Variants in CLTCL1 observed in about 807,000 individuals in gnomAD.
The protein encoded by CLTCL1 is clathrin heavy chain like 1.
CLTCL1 carries 159 observed loss-of-function variants against 190.0 expected under a neutral mutation model. The observed-to-expected ratio is 0.84, with a 90% CI of 0.74 to 0.95. CLTCL1 has a LOEUF of 0.95. CLTCL1 is among the 40% of genes least tolerant of loss of function. CLTCL1 has a pLI of 0.00. For synonymous variants in CLTCL1, 752 were observed against 769.6 expected, an observed-to-expected ratio of 0.98 and a Z score of 0.38; for missense variants, 1,878 against 2,033.4, an observed-to-expected ratio of 0.92 and a Z score of 1.47.
chr22:19,220,500 G>A (rs1259945350), intron 17 of CLTCL1, among the ~76,000 whole-genome samples: 2 of 152,240 alleles, frequency 1.3e-5, no homozygotes, highest in Non-Finnish European at 1.5e-5. Flanking sequence ...TCTAAAAACT[G>A]TAAACTGTGC....
rs535137726 is a variant in CLTCL1 at position 19,205,136 on chromosome 22, A to G, written c.3600+3018T>C. On this transcript the variant is annotated intron_variant, in intron 22 of 32. Coordinates refer to ENST00000427926, the MANE Select transcript of CLTCL1 (RefSeq NM_007098.4). ...AACACAGGCAAGTAAAAGAAAAGCA[A>G]TATGATATTGCCAATTCCAAATCCC... Among the ~76,000 whole-genome samples, 7 of 152,344 alleles carry G rather than the reference A, an allele frequency of 4.6e-5. No individual in the cohort carries two copies. The East Asian group carries it at 9.6e-4, about 21-fold the overall frequency.
chr22:19,248,176 G>A (rs1255251502), intron 3 of CLTCL1, among the ~76,000 whole-genome samples: 4 of 151,902 alleles, frequency 2.6e-5, no homozygotes, highest in Non-Finnish European at 5.9e-5. Context: ...CATGCCTGTA[G>A]TCCCAGTTAT....
chr22:19,274,525 T>A (rs923512767), intron 2 of CLTCL1, among the ~76,000 whole-genome samples: 4 of 152,090 alleles, frequency 2.6e-5, no homozygotes, highest in Non-Finnish European at 5.9e-5. Context: ...AAAGGTAGGG[T>A]TGGTAATAGA....
Position 19,254,108 on chromosome 22 carries a change from C to T in CLTCL1, c.370G>A (p.Glu124Lys), listed in dbSNP as rs140033543. The stretch of plus-strand genomic sequence containing the variant: ...ATGCTCCAGTGGTAGACCGCGGTCT[C>T]GGTCACCAAGGCAACAGTGTTCACA... The part of the protein sequence containing the change: ...VSVNTVALVT[E>K]TAVYHWSMEG... The change falls in exon 3 of 33, where the codon GAG becomes AAG. Residue 124 changes from glutamate to lysine, a missense_variant. Glu to Lys is a moderately conservative substitution (Grantham distance 56). Transcript: ENST00000427926. 2.0e-4 allele frequency: 327 copies of T among 1,613,180 alleles called. 1 individual carries two copies. The highest frequency in any genetic ancestry group is 1.6e-4 in the Non-Finnish European group (185 of 1,179,486).
intron 24 of CLTCL1, among the ~76,000 whole-genome samples, chr22:19,197,112 C>G (rs150028489): frequency 6.6e-6 from 1 of 152,106 alleles, no homozygotes; most frequent in Non-Finnish European, 1.5e-5. Flanking sequence ...CAGCCCCACA[C>G]GCCTCTGACA....
At chr22:19,216,856 C>T (rs549002267) in intron 18 of CLTCL1, among the ~76,000 whole-genome samples, 14 of 152,222 alleles carry the variant, frequency 9.2e-5, no homozygotes, top group Non-Finnish European at 1.3e-4. Flanking sequence ...CAGTTTGGAA[C>T]GCCAGCACTG....
rs574479561 is a variant in CLTCL1, at chr22:19,202,939, C to T, written c.3601-1446G>A. Reference sequence around the variant, plus strand: ...GCTCCATGTCAGGGTTTCAGCAAATCCCTGCATCAGCATCCATCACCTTCT... The same window carrying T: ...GCTCCATGTCAGGGTTTCAGCAAATTCCTGCATCAGCATCCATCACCTTCT... On this transcript the variant is annotated intron_variant, in intron 22 of 32. Transcript: ENST00000427926. 3.3e-5 allele frequency among the ~76,000 whole-genome samples: 5 copies of T among 152,320 alleles called. No individual in the cohort carries two copies. In the South Asian group the frequency reaches 1.0e-3, roughly 32 times the overall value.
Position 19,260,414 on chromosome 22 carries a change from T to C in CLTCL1, c.251-6187A>G, listed in dbSNP as rs1601677827. On this transcript the variant is annotated intron_variant, in intron 2 of 32. Transcript: ENST00000427926. ...GGTTAACTCTCTTGTTAGGGGATAA[T>C]GCAGCTGGTAACTTTAAATGGAAGG... Among the ~76,000 whole-genome samples, 3 of 148,542 alleles carry C rather than the reference T, an allele frequency of 2.0e-5. No individual in the cohort carries two copies. In the East Asian group the frequency reaches 5.8e-4, roughly 29 times the overall value.
intron 22 of CLTCL1, 166 bp downstream of exon 22, chr22:19,207,988 T>C: frequency 2.7e-6 from 2 of 727,750 alleles, no homozygotes; most frequent in South Asian, 1.5e-5. Context: ...ACAATAAATG[T>C]AATGCACTTG....
intron 2 of CLTCL1, among the ~76,000 whole-genome samples, chr22:19,272,241 G>T (rs1376542510): frequency 5.3e-5 from 8 of 152,174 alleles, no homozygotes; most frequent in African/African-American, 1.9e-4. Flanking sequence ...TGCTCTTTAA[G>T]TCAAAGGCAA....
Position 19,221,520 on chromosome 22 carries a change from C to T in CLTCL1, c.2653G>A (p.Asp885Asn), listed in dbSNP as rs782377086. Residue 885 changes from aspartate to asparagine, a missense_variant, in exon 17 of 33, where the codon GAC becomes AAC. Physicochemically the swap from Asp to Asn is conservative, Grantham distance 23 (BLOSUM62 1). Coordinates refer to ENST00000427926, the MANE Select transcript of CLTCL1 (RefSeq NM_007098.4). ...AAGCACTCGGGGCTGTTGTTGCTGT[C>T]GATGTAGATTTTAGCCAGTGCATTG... ...THNALAKIYI[D>N]SNNSPECFLR... The T allele has an allele frequency of 5.0e-6, 8 of 1,605,034 alleles. No individual in the cohort carries two copies. Among genetic ancestry groups the T allele is most frequent in the South Asian group, 3.4e-5 (3 of 89,102 alleles).
chr22:19,271,935 C>T (rs1387514349), intron 2 of CLTCL1, among the ~76,000 whole-genome samples: 9 of 152,006 alleles, frequency 5.9e-5, no homozygotes, highest in Non-Finnish European at 1.0e-4. Context: ...AGTCAGATAC[C>T]ATCTCTACAA....
intron 2 of CLTCL1, among the ~76,000 whole-genome samples, chr22:19,260,573 C>T (rs960787629): frequency 1.8e-4 from 27 of 148,232 alleles, no homozygotes; most frequent in African/African-American, 5.5e-4. Context: ...GTCAGGAGTT[C>T]GAGATCAGCC....
intron 5 of CLTCL1, chr22:19,238,533 C>T: frequency 9.2e-6 from 2 of 217,596 alleles, no homozygotes; most frequent in South Asian, 8.2e-5. Flanking sequence ...ACTTAGCACA[C>T]ACGGAACCAC....
At position 19,242,819 on chromosome 22, in the gene CLTCL1, C is replaced by A. The variant is rs782021654; in HGVS notation, c.637G>T (p.Ala213Ser). Reference sequence around the variant, plus strand: ...CGTACAGCAAAGCAGAAAAGGGTGGCAGGCTTGGCATTCCCCTCCATCTTG... The same window carrying A: ...CGTACAGCAAAGCAGAAAAGGGTGGAAGGCTTGGCATTCCCCTCCATCTTG... ...EFKMEGNAKP[A>S]TLFCFAVRNP... is the part of the protein sequence containing the mutation. The change falls in exon 4 of 33, where the codon GCC becomes TCC. Residue 213 changes from alanine (A) to serine (S), a missense_variant. Physicochemically the swap from Ala to Ser is moderately conservative, Grantham distance 99. Coordinates refer to ENST00000427926, the MANE Select transcript of CLTCL1 (RefSeq NM_007098.4). The A allele has an allele frequency of 1.2e-6, 2 of 1,613,956 alleles. No homozygotes were observed. Among genetic ancestry groups the A allele is most frequent in the East Asian group, 4.5e-5 (2 of 44,876 alleles).
intron 2 of CLTCL1, among the ~76,000 whole-genome samples, chr22:19,254,736 C>T (rs1555971694): frequency 6.6e-6 from 1 of 152,176 alleles, no homozygotes. Context: ...GTATCCATCA[C>T]AGCAGATAAT....
chr22:19,286,634 G>C lies in CLTCL1; in HGVS notation c.42+4966C>G, dbSNP rs144083152. Among the ~76,000 whole-genome samples the C allele has an allele frequency of 6.2e-3, 849 of 136,796 alleles. 14 individuals carry two copies. The highest frequency in any genetic ancestry group is 0.022 in the African/African-American group (794 of 36,746). 89.7% of individuals were successfully genotyped at this position (136,796 alleles called of 152,430 possible). A position where few individuals can be genotyped will look rare whatever the true frequency, so the allele number is the denominator to read the frequency against. On this transcript the variant is annotated intron_variant, in intron 1 of 32. Coordinates refer to ENST00000427926, the MANE Select transcript of CLTCL1 (RefSeq NM_007098.4). ...AGACACACACGGGTGTGTGTGGATG[G>C]GAACTGTTTTCAGTTCAAGCTCAAT...
intron 10 of CLTCL1, among the ~76,000 whole-genome samples, chr22:19,231,417 G>A (rs1426102395): frequency 6.6e-6 from 1 of 152,052 alleles, no homozygotes; most frequent in African/African-American, 2.4e-5. Flanking sequence ...TGTAGAGATG[G>A]GGGTCTCACT....
At position 19,222,770 on chromosome 22, in the gene CLTCL1, AC is replaced by A; in HGVS notation, c.2331del (p.Cys778ValfsTer38). ...KLTDQLPLII[V>X]CDRFGFVHDL... Reference sequence around the variant, plus strand: ...TCATGGACAAAGCCAAAACGATCACACACGATGATGAGGGGAAGCTGGTCTG... The same window carrying A: ...TCATGGACAAAGCCAAAACGATCACAACGATGATGAGGGGAAGCTGGTCTG... On this transcript the variant is annotated frameshift_variant, in exon 15 of 33. Coordinates refer to ENST00000427926, the MANE Select transcript of CLTCL1 (RefSeq NM_007098.4). LOFTEE classifies it high-confidence loss of function. 1 of 1,600,914 alleles carries A rather than the reference AC, an allele frequency of 6.2e-7. No individual in the cohort carries two copies. Among genetic ancestry groups the A allele is most frequent in the Middle Eastern group, 1.7e-4 (1 of 6,050 alleles).
Sources: gnomAD v4.1 joint callset for allele counts (sites outside exome capture counted in the v4.1 genomes callset) on GRCh38, gnomAD v4.1.1 for gene constraint, MANE v1.5 for transcripts, NCBI Gene and HGNC (gene_info 2026-07-23, HGNC 2026-07-21) for gene names.